LRRC4C: variants seen among roughly 807,000 people sequenced by gnomAD.
LRRC4C encodes the protein leucine rich repeat containing 4C, also known as leucine-rich repeat-containing protein 4C.
LRRC4C carries 5 observed loss-of-function variants against 33.6 expected under a neutral mutation model. That is an observed-to-expected ratio of 0.15 (90% confidence interval 0.08 to 0.31). The LOEUF (loss-of-function observed/expected upper bound fraction) is 0.31. Among genes scored for constraint, LRRC4C ranks in the 10% least tolerant of loss-of-function variants. LRRC4C has a pLI of 1.00. For synonymous variants in LRRC4C, 329 were observed against 302.0 expected, an observed-to-expected ratio of 1.09 and a Z score of -0.93; for missense variants, 560 against 796.7, an observed-to-expected ratio of 0.70 and a Z score of 3.58.
At chr11:40,785,730 CA>C (rs1950386401) in intron 2 of LRRC4C, among the ~76,000 whole-genome samples, 1 of 152,134 alleles carries the variant, frequency 6.6e-6, no homozygotes, top group African/African-American at 2.4e-5. Context: ...GAAACAGCTT[CA>C]AATTCTACTA....
chr11:40,590,765 G>T (rs1484015097), intron 3 of LRRC4C, among the ~76,000 whole-genome samples: 4 of 152,166 alleles, frequency 2.6e-5, no homozygotes, highest in African/African-American at 9.7e-5. Flanking sequence ...CCCCTGCTGG[G>T]GGGTGCCTCC....
At chr11:40,125,291 AG>A (rs1248205132) in intron 6 of LRRC4C, among the ~76,000 whole-genome samples, 3 of 152,208 alleles carry the variant, frequency 2.0e-5, no homozygotes, top group Non-Finnish European at 4.4e-5. Flanking sequence ...TGAGGGTAAA[AG>A]ATGCCTAGAG....
chr11:41,356,264 T>G (rs1397599958), intron 1 of LRRC4C, among the ~76,000 whole-genome samples: 3 of 152,198 alleles, frequency 2.0e-5, no homozygotes, highest in African/African-American at 7.2e-5. Flanking sequence ...AGGTACCAGA[T>G]GTGATCTCAA....
At chr11:41,001,754 G>A (rs1854398746) in intron 1 of LRRC4C, among the ~76,000 whole-genome samples, 1 of 152,094 alleles carries the variant, frequency 6.6e-6, no homozygotes. Flanking sequence ...AGCTTAGCTT[G>A]GCTACTCTTC....
At chr11:40,812,775 A>G (rs1281789166) in intron 2 of LRRC4C, among the ~76,000 whole-genome samples, 1 of 152,206 alleles carries the variant, frequency 6.6e-6, no homozygotes, top group African/African-American at 2.4e-5. Flanking sequence ...TTTTAACATT[A>G]GAATAATCAA....
chr11:41,096,554 A>C (rs1218791444), intron 1 of LRRC4C, among the ~76,000 whole-genome samples: 1 of 152,170 alleles, frequency 6.6e-6, no homozygotes, highest in Non-Finnish European at 1.5e-5. Flanking sequence ...CATTGGCAGC[A>C]ATTGAGTTGG....
intron 5 of LRRC4C, among the ~76,000 whole-genome samples, chr11:40,219,334 G>A (rs755459372): frequency 2.4e-4 from 37 of 152,130 alleles, no homozygotes; most frequent in Admixed American, 2.0e-3. Context: ...TTCTTGACAC[G>A]TATACACTTT....
intron 5 of LRRC4C, among the ~76,000 whole-genome samples, chr11:40,160,314 G>C (rs1201503159): frequency 6.6e-6 from 1 of 152,108 alleles, no homozygotes; most frequent in Non-Finnish European, 1.5e-5. Context: ...ACTGTCAGTG[G>C]GTTGTGACTT....
intron 1 of LRRC4C, among the ~76,000 whole-genome samples, chr11:41,448,122 G>GTTTTTTTTTTTTTTATTTTTTTTTT (rs1955888998): frequency 2.1e-5 from 1 of 46,948 alleles, no homozygotes; most frequent in Non-Finnish European, 4.4e-5. Flanking sequence ...GCACACGTCT[G>GTTTTTTTTTTTTTTATTTTTTTTTT]TTTTTTTTTT....
chr11:41,070,641 A>G (rs532589785), intron 1 of LRRC4C, among the ~76,000 whole-genome samples: 2 of 152,210 alleles, frequency 1.3e-5, no homozygotes, highest in African/African-American at 2.4e-5. Context: ...TAAGACATTT[A>G]TGTGACCAAG....
At chr11:41,364,073 C>T (rs180695254) in intron 1 of LRRC4C, among the ~76,000 whole-genome samples, 2 of 152,070 alleles carry the variant, frequency 1.3e-5, no homozygotes, top group Non-Finnish European at 2.9e-5. Flanking sequence ...TCTAGGACTG[C>T]GTTTGCACTG....
At chr11:40,557,189 A>G (rs1957365194) in intron 3 of LRRC4C, among the ~76,000 whole-genome samples, 1 of 152,060 alleles carries the variant, frequency 6.6e-6, no homozygotes, top group Non-Finnish European at 1.5e-5. Flanking sequence ...AAACATGAGA[A>G]TCAATTGCAT....
At chr11:40,876,259 G>GTT (rs1954879821) in intron 2 of LRRC4C, among the ~76,000 whole-genome samples, 2 of 24,960 alleles carry the variant, frequency 8.0e-5, no homozygotes, top group African/African-American at 1.1e-4. Flanking sequence ...TCTCAGTTAG[G>GTT]GTTTTTTTTT....
chr11:40,804,699 T>C (rs1951173965), intron 2 of LRRC4C, among the ~76,000 whole-genome samples: 1 of 152,202 alleles, frequency 6.6e-6, no homozygotes, highest in African/African-American at 2.4e-5. Context: ...TCCCAAGTTA[T>C]TACTTTACTT....
At chr11:41,071,356 T>C (rs1391233316) in intron 1 of LRRC4C, among the ~76,000 whole-genome samples, 13 of 152,106 alleles carry the variant, frequency 8.5e-5, no homozygotes, top group Admixed American at 8.5e-4. Context: ...CCATGGCCCA[T>C]GTATACCTAT....
intron 1 of LRRC4C, among the ~76,000 whole-genome samples, chr11:41,281,044 C>T (rs1041951515): frequency 4.9e-4 from 58 of 117,746 alleles, no homozygotes; most frequent in African/African-American, 2.0e-3. Flanking sequence ...TACATATTTT[C>T]TCTCTCTCTC....
At chr11:41,417,167 G>A (rs974031589) in intron 1 of LRRC4C, among the ~76,000 whole-genome samples, 1 of 152,032 alleles carries the variant, frequency 6.6e-6, no homozygotes, top group African/African-American at 2.4e-5. Context: ...CTGTTACTGC[G>A]ATGCTAGCAA....
intron 3 of LRRC4C, among the ~76,000 whole-genome samples, chr11:40,377,454 G>C (rs758537689): frequency 6.6e-6 from 1 of 152,056 alleles, no homozygotes; most frequent in African/African-American, 2.4e-5. Flanking sequence ...TTCAATGTTG[G>C]TGTACATTTC....
chr11:41,034,803 G>A (rs912392427), intron 1 of LRRC4C, among the ~76,000 whole-genome samples: 5 of 149,444 alleles, frequency 3.3e-5, no homozygotes, highest in Non-Finnish European at 7.4e-5. Flanking sequence ...TTCTATATTG[G>A]AAAAATATTC....
Sources: allele counts gnomAD v4.1 joint callset (sites outside exome capture counted in the v4.1 genomes callset), GRCh38; gene constraint gnomAD v4.1.1; transcripts MANE v1.5; gene names NCBI Gene and HGNC (gene_info 2026-07-23, HGNC 2026-07-21).